ARFGEF2: variants seen among roughly 807,000 people sequenced by gnomAD.
ARFGEF2 encodes brefeldin A-inhibited guanine nucleotide-exchange protein 2.
ARFGEF2 carries 74 observed loss-of-function variants against 219.9 expected under a neutral mutation model. That is an observed-to-expected ratio of 0.34 (90% CI 0.28 to 0.41). The LOEUF (loss-of-function observed/expected upper bound fraction) is 0.41, where lower values mean the gene tolerates loss of function less well. ARFGEF2 is among the 10% of genes least tolerant of loss of function. The pLI, the probability that ARFGEF2 is intolerant of heterozygous loss-of-function variation, is 1.00. For synonymous variants in ARFGEF2, 733 were observed against 799.2 expected (o/e 0.92, Z 1.40); for missense variants, 1,743 against 2,218.3 (o/e 0.79, Z 4.30).
At chr20:49,028,694 T>G in intron 37 of ARFGEF2, 26 bp downstream of exon 37, 1 of 1,608,308 alleles carries the variant, frequency 6.2e-7, no homozygotes, top group Non-Finnish European at 8.5e-7. Flanking sequence ...TCTGATTAGA[T>G]TTCTATCTGC....
intron 28 of ARFGEF2, among the ~76,000 whole-genome samples, chr20:49,012,772 A>G (rs1016314498): frequency 2.6e-5 from 4 of 152,170 alleles, no homozygotes; most frequent in African/African-American, 7.2e-5. Flanking sequence ...CATTCTAGGT[A>G]TTTTCTGTAT....
At position 49,005,021 on chromosome 20, in the gene ARFGEF2, G is replaced by A. The variant is rs1286231823; in HGVS notation, c.3433-49G>A. The A allele has an allele frequency of 1.9e-6, 3 of 1,612,316 alleles. No individual in the cohort carries two copies. The African/African-American group carries it at 4.0e-5, about 22-fold the overall frequency. On this transcript the variant is annotated intron_variant, in intron 25 of 38. Transcript: ENST00000371917. ...CTTTGCTGTTGAGAGACCCACGTCG[G>A]TCATTATTACACTATACCTGTTTCA...
chr20:48,998,335 G>C lies in ARFGEF2; in HGVS notation c.3263-1G>C. On this transcript the variant is annotated splice_acceptor_variant, in intron 24 of 38. Coordinates refer to ENST00000371917, the MANE Select transcript of ARFGEF2 (RefSeq NM_006420.3). LOFTEE classifies it high-confidence loss of function. ...CTTGTGTTGTTGGGTCTGGCCTGTA[G>C]TTGACTTTGTCCGCTGGCTGTGTGC... 6.2e-7 allele frequency: 1 copy of C among 1,614,172 alleles called. No individual in the cohort carries two copies. Among genetic ancestry groups the C allele is most frequent in the Non-Finnish European group, 8.5e-7 (1 of 1,180,028 alleles).
intron 18 of ARFGEF2, among the ~76,000 whole-genome samples, 168 bp downstream of exon 18, chr20:48,988,830 T>C (rs2091341313): frequency 6.6e-6 from 1 of 152,256 alleles, no homozygotes; most frequent in Non-Finnish European, 1.5e-5. Flanking sequence ...AATGTCACTG[T>C]CTTGCTAGAT....
At chr20:48,985,764 T>C in intron 16 of ARFGEF2, 151 bp downstream of exon 16, 1 of 866,690 alleles carries the variant, frequency 1.2e-6, no homozygotes, top group Non-Finnish European at 1.9e-6. Flanking sequence ...TAAGGGATTA[T>C]TTCACATAAG....
At chr20:48,960,702 C>T (rs910280453) in intron 6 of ARFGEF2, among the ~76,000 whole-genome samples, 1 of 151,224 alleles carries the variant, frequency 6.6e-6, no homozygotes, top group Non-Finnish European at 1.5e-5. Flanking sequence ...AGGCTGGTCT[C>T]GAACTCCAGA....
chr20:48,998,499 C>T lies in ARFGEF2; in HGVS notation c.3426C>T (p.Phe1142=), dbSNP rs1220133334. 1.2e-6 allele frequency: 2 copies of T among 1,607,472 alleles called. No individual in the cohort carries two copies. The highest frequency in any genetic ancestry group is 2.2e-5 in the South Asian group (2 of 90,856). The part of the protein sequence containing the change: ...SRIWHVIGDH[F]NKVGCNPNED... ...TATGGCATGTGATTGGAGATCACTT[C>T]AATAAGGTAACTCTTCAAATTTAAA... Residue 1142 remains phenylalanine (F), a synonymous_variant, in exon 25 of 39, where the codon TTC becomes TTT. Transcript: ENST00000371917.
intron 6 of ARFGEF2, among the ~76,000 whole-genome samples, chr20:48,963,175 C>A (rs866746760): frequency 1.1e-3 from 125 of 110,762 alleles, no homozygotes; most frequent in African/African-American, 1.6e-3. Flanking sequence ...AACTCTGTCT[C>A]AAAAAAAAAA....
At chr20:48,931,826 G>A (rs1395245965) in intron 1 of ARFGEF2, among the ~76,000 whole-genome samples, 1 of 152,218 alleles carries the variant, frequency 6.6e-6, no homozygotes, top group African/African-American at 2.4e-5. Context: ...GAGGTTTGGA[G>A]GCCAAGATCG....
At chr20:49,006,034 G>T (rs1394709004) in intron 26 of ARFGEF2, among the ~76,000 whole-genome samples, 49 of 151,980 alleles carry the variant, frequency 3.2e-4, no homozygotes, top group Admixed American at 3.0e-3. Flanking sequence ...GGTGGCTCAT[G>T]CCTGTAATCC....
At position 49,005,196 on chromosome 20, in the gene ARFGEF2, T is replaced by G. The variant is rs1352614318; in HGVS notation, c.3559T>G (p.Phe1187Val). 1 of 1,614,216 alleles carries G rather than the reference T, an allele frequency of 6.2e-7. No homozygotes were observed. Among genetic ancestry groups the G allele is most frequent in the East Asian group, 2.2e-5 (1 of 44,886 alleles). Residue 1187 changes from phenylalanine (F) to valine (V), a missense_variant, in exon 26 of 39, where the codon TTT becomes GTT. Around this residue, in one of 5 missense-constraint regions of ARFGEF2, gnomAD observed 102 missense variants for 146.8 expected, o/e 0.69. Transcript: ENST00000371917. ...FRFQKDFLRP[F>V]EHIMKKNRSP... is the part of the protein sequence containing the mutation. ...TTTCCAGAAAGATTTTCTGAGGCCC[T>G]TTGAGCATATTATGAAGAAAAACAG... is the stretch of plus-strand genomic sequence containing the variant.
At chr20:48,922,071 C>G in intron 1 of ARFGEF2, 61 bp downstream of exon 1, 1 of 1,532,586 alleles carries the variant, frequency 6.5e-7, no homozygotes, top group East Asian at 2.5e-5. Context: ...GTTGCCCTAT[C>G]CTACTCGGCC....
chr20:48,955,192 T>C (rs2091098544), intron 6 of ARFGEF2, among the ~76,000 whole-genome samples: 1 of 152,166 alleles, frequency 6.6e-6, no homozygotes, highest in Non-Finnish European at 1.5e-5. Context: ...TTCTCTTTTT[T>C]GCTACACAGT....
At chr20:49,032,728 A>G (rs576500902) in intron 38 of ARFGEF2, among the ~76,000 whole-genome samples, 2 of 151,756 alleles carry the variant, frequency 1.3e-5, no homozygotes, top group South Asian at 4.2e-4. Flanking sequence ...AGTAGCTGGG[A>G]CCACAGACAC....
At chr20:49,032,203 A>T in intron 38 of ARFGEF2, 37 bp downstream of exon 38, 1 of 1,497,588 alleles carries the variant, frequency 6.7e-7, no homozygotes. Context: ...TTTCACTAGG[A>T]CATAAAGTTT....
rs779678969 is a variant in ARFGEF2, at chr20:48,989,688, G to A, written c.2814+4G>A. The A allele has an allele frequency of 6.2e-7, 1 of 1,614,142 alleles. No homozygotes were observed. The highest frequency in any genetic ancestry group is 8.5e-7 in the Non-Finnish European group (1 of 1,180,030). ...CGCCTGCATCTTTGGAATGCAGGTA[G>A]GTGTAAGTCAGCAACACTCCAGAGA... On this transcript the variant is annotated splice_donor_region_variant and intron_variant, in intron 20 of 38. Transcript: ENST00000371917.
intron 1 of ARFGEF2, among the ~76,000 whole-genome samples, chr20:48,940,519 G>C (rs748981075): frequency 1.3e-5 from 2 of 152,200 alleles, no homozygotes; most frequent in South Asian, 2.1e-4. Flanking sequence ...TTGAGATGTT[G>C]TGATATTACC....
At chr20:48,951,577 T>C in intron 4 of ARFGEF2, 108 bp downstream of exon 4, 1 of 1,436,814 alleles carries the variant, frequency 7.0e-7, no homozygotes, top group Non-Finnish European at 9.8e-7. Context: ...GGTGCTGAGG[T>C]GGAACAGAAA....
intron 1 of ARFGEF2, among the ~76,000 whole-genome samples, chr20:48,938,323 T>C (rs907019673): frequency 6.6e-6 from 1 of 152,234 alleles, no homozygotes; most frequent in Non-Finnish European, 1.5e-5. Flanking sequence ...CTGCAGCCAC[T>C]GAAGCACTTT....
Sources: gnomAD v4.1 joint callset for allele counts (sites outside exome capture counted in the v4.1 genomes callset) on GRCh38, gnomAD v4.1.1 for gene constraint, gnomAD v4.1.1 regional missense constraint, MANE v1.5 for transcripts, NCBI Gene and HGNC (gene_info 2026-07-23, HGNC 2026-07-21) for gene names.